Variants in ESRRG observed in about 807,000 individuals in gnomAD.
The protein encoded by ESRRG is estrogen-related receptor gamma.
A neutral mutation model predicts 44.0 loss-of-function variants in ESRRG; 13 were observed. The observed-to-expected ratio is 0.30, with a 90% CI of 0.19 to 0.47. The LOEUF (loss-of-function observed/expected upper bound fraction) is 0.47. ESRRG is among the 20% of genes least tolerant of loss of function. The probability of loss-of-function intolerance (pLI) is 1.00; values close to 1 mark genes in which losing one functional copy is unlikely to be tolerated. For missense variants in ESRRG, 395 were observed against 580.6 expected (o/e 0.68, Z 3.29); for synonymous variants, 215 against 214.6 (o/e 1.00, Z -0.02).
chr1:216,518,851 C>A (rs779504111), intron 6 of ESRRG, among the ~76,000 whole-genome samples: 14 of 152,130 alleles, frequency 9.2e-5, no homozygotes, highest in Non-Finnish European at 2.1e-4. Flanking sequence ...ATAATTTTGT[C>A]CTGGGAGTGT....
chr1:216,733,573 T>C (rs944890633), intron 2 of ESRRG, among the ~76,000 whole-genome samples: 1 of 152,172 alleles, frequency 6.6e-6, no homozygotes, highest in Admixed American at 6.5e-5. Context: ...GTGCTCTTAT[T>C]GGAGGAGAAA....
intron 1 of ESRRG, among the ~76,000 whole-genome samples, chr1:216,714,000 C>CAACT (rs371410568): frequency 6.6e-6 from 1 of 152,176 alleles, no homozygotes; most frequent in Non-Finnish European, 1.5e-5. Context: ...GATAAACCCC[C>CAACT]AACTAACTAA....
chr1:216,951,262 A>G (rs915019353), intron 1 of ESRRG, among the ~76,000 whole-genome samples: 1 of 152,214 alleles, frequency 6.6e-6, no homozygotes, highest in East Asian at 1.9e-4. Context: ...CGCTCCTAGT[A>G]TTAATGCCTT....
chr1:216,659,719 G>C (rs2151199797), intron 2 of ESRRG, among the ~76,000 whole-genome samples: 1 of 152,246 alleles, frequency 6.6e-6, no homozygotes, highest in East Asian at 1.9e-4. Context: ...GGGCTCCCAA[G>C]ACTGAGTTAG....
At chr1:216,812,954 T>C (rs1180233820) in intron 2 of ESRRG, among the ~76,000 whole-genome samples, 1 of 152,142 alleles carries the variant, frequency 6.6e-6, no homozygotes, top group Admixed American at 6.6e-5. Context: ...AATATCAGGC[T>C]CCATAACAAG....
chr1:216,832,941 C>T (rs986684939), intron 2 of ESRRG, among the ~76,000 whole-genome samples: 1 of 151,700 alleles, frequency 6.6e-6, no homozygotes, highest in Non-Finnish European at 1.5e-5. Flanking sequence ...CGCCACCACA[C>T]TCCAGCCTGG....
At chr1:216,750,124 T>G (rs2091862477) in intron 2 of ESRRG, among the ~76,000 whole-genome samples, 1 of 152,284 alleles carries the variant, frequency 6.6e-6, no homozygotes, top group African/African-American at 2.4e-5. Context: ...TTGATTATCA[T>G]CCATTGCAGT....
At chr1:216,944,128 T>C (rs993201697) in intron 1 of ESRRG, among the ~76,000 whole-genome samples, 22 of 152,198 alleles carry the variant, frequency 1.4e-4, no homozygotes, top group African/African-American at 5.3e-4. Context: ...TCCCTCCAGT[T>C]AAACTGAGGT....
intron 6 of ESRRG, among the ~76,000 whole-genome samples, chr1:216,507,630 A>G (rs1461030597): frequency 6.6e-6 from 1 of 152,206 alleles, no homozygotes; most frequent in Non-Finnish European, 1.5e-5. Flanking sequence ...ATATTTCCCA[A>G]ACAGGGGAAA....
intron 3 of ESRRG, among the ~76,000 whole-genome samples, chr1:216,573,124 C>T (rs950405303): frequency 2.0e-5 from 3 of 151,892 alleles, no homozygotes; most frequent in African/African-American, 7.2e-5. Context: ...AACTAATAAT[C>T]AATCATTAAA....
intron 3 of ESRRG, among the ~76,000 whole-genome samples, chr1:216,630,988 T>C (rs574279241): frequency 1.8e-3 from 279 of 152,086 alleles, no homozygotes; most frequent in Non-Finnish European, 3.5e-3. Flanking sequence ...TTTTTAAATA[T>C]ACATAAATTT....
intron 1 of ESRRG, among the ~76,000 whole-genome samples, chr1:217,007,060 T>A (rs1034899529): frequency 6.6e-6 from 1 of 152,168 alleles, no homozygotes; most frequent in Admixed American, 6.6e-5. Context: ...TCCATCAGGA[T>A]TTTTCTTTAG....
chr1:217,102,102 T>C (rs2092524157), intron 1 of ESRRG, among the ~76,000 whole-genome samples: 1 of 152,214 alleles, frequency 6.6e-6, no homozygotes, highest in Non-Finnish European at 1.5e-5. Context: ...CACCGCACCC[T>C]GCCTAAACCA....
At chr1:216,818,419 T>C (rs1043889779) in intron 2 of ESRRG, among the ~76,000 whole-genome samples, 1 of 152,268 alleles carries the variant, frequency 6.6e-6, no homozygotes, top group Admixed American at 6.5e-5. Context: ...TAAGGAACCA[T>C]CATCTGGTTT....
chr1:216,982,413 A>AT (rs778227552), intron 1 of ESRRG, among the ~76,000 whole-genome samples: 72 of 152,016 alleles, frequency 4.7e-4, no homozygotes, highest in Non-Finnish European at 7.8e-4. Context: ...CCATTCTTTG[A>AT]TTTTTTTTCT....
chr1:216,894,073 G>C (rs1364273261), intron 2 of ESRRG, among the ~76,000 whole-genome samples: 1 of 152,168 alleles, frequency 6.6e-6, no homozygotes, highest in Non-Finnish European at 1.5e-5. Context: ...ACCTGGAACA[G>C]AGGCAAGTGA....
chr1:217,048,338 C>G (rs528680047), intron 1 of ESRRG, among the ~76,000 whole-genome samples: 1 of 152,230 alleles, frequency 6.6e-6, no homozygotes, highest in East Asian at 1.9e-4. Context: ...AGACTTCAGA[C>G]AGCCATGATG....
intron 2 of ESRRG, among the ~76,000 whole-genome samples, chr1:216,803,689 T>C (rs1422947936): frequency 1.3e-5 from 2 of 152,116 alleles, no homozygotes; most frequent in Non-Finnish European, 2.9e-5. Context: ...ACTCACACAA[T>C]CCCTGCAGCT....
chr1:216,989,450 ACAC>A (rs2075358729), intron 1 of ESRRG, among the ~76,000 whole-genome samples: 1 of 142,548 alleles, frequency 7.0e-6, no homozygotes, highest in Non-Finnish European at 1.5e-5. Flanking sequence ...AAAAAAAAAA[ACAC>A]AGTGGGAGTG....
Sources: allele counts gnomAD v4.1 joint callset (sites outside exome capture counted in the v4.1 genomes callset), GRCh38; gene constraint gnomAD v4.1.1; transcripts MANE v1.5; gene names NCBI Gene and HGNC (gene_info 2026-07-23, HGNC 2026-07-21).